The following ADGRL3 variants were observed in gnomAD, a reference collection of about 807,000 sequenced individuals.
ADGRL3 encodes the protein calcium-independent alpha-latrotoxin receptor 3.
ADGRL3 carries 62 observed loss-of-function variants against 153.5 expected under a neutral mutation model. That is an observed-to-expected ratio of 0.40 (90% confidence interval 0.33 to 0.50). The LOEUF is 0.50. Ranked by LOEUF, ADGRL3 falls within the 20% of genes least tolerant of loss-of-function variation. The probability of loss-of-function intolerance (pLI) is 0.47; values close to 1 mark genes in which losing one functional copy is unlikely to be tolerated. For missense variants in ADGRL3, 1,641 were observed against 1,859.4 expected, an observed-to-expected ratio of 0.88 and a Z score of 2.16; for synonymous variants, 710 against 672.5, an observed-to-expected ratio of 1.06 and a Z score of -0.86.
intron 8 of ADGRL3, among the ~76,000 whole-genome samples, chr4:61,810,576 C>G (rs558536248): frequency 1.3e-5 from 2 of 152,118 alleles, no homozygotes; most frequent in East Asian, 3.9e-4. Context: ...AGAAATTGCA[C>G]AGGGTTTCTC....
At chr4:61,882,081 A>G (rs561121854) in intron 9 of ADGRL3, among the ~76,000 whole-genome samples, 1 of 152,356 alleles carries the variant, frequency 6.6e-6, no homozygotes, top group South Asian at 2.1e-4. Flanking sequence ...TAAAACTTCT[A>G]GCAATTTCAC....
chr4:61,863,269 G>A (rs1471582056), intron 9 of ADGRL3, among the ~76,000 whole-genome samples: 1 of 113,488 alleles, frequency 8.8e-6, no homozygotes, highest in East Asian at 2.6e-4. Context: ...ACGGAGTCTC[G>A]CTCTGTCGCC....
intron 4 of ADGRL3, among the ~76,000 whole-genome samples, chr4:61,567,980 C>T (rs2098823194): frequency 6.6e-6 from 1 of 152,076 alleles, no homozygotes; most frequent in Admixed American, 6.6e-5. Context: ...TGATGTCTTC[C>T]TCATACCATT....
In ADGRL3 at chr4:62,044,770, TA is replaced by T. The variant is rs1219535109; in HGVS notation, c.3814+227del. ...TCTTTTCCAAAAGGAAATTAGAAAA[TA>T]AAAAACTTTTTTTCCTAGTCATCTG... On this transcript the variant is annotated intron_variant, in intron 25 of 26. Transcript: ENST00000683033. 2.0e-5 allele frequency among the ~76,000 whole-genome samples: 3 copies of T among 151,996 alleles called. No individual in the cohort carries two copies. The East Asian group carries it at 5.8e-4, about 29-fold the overall frequency.
At chr4:61,903,038 G>A (rs1458136347) in intron 11 of ADGRL3, among the ~76,000 whole-genome samples, 3 of 152,140 alleles carry the variant, frequency 2.0e-5, no homozygotes, top group African/African-American at 7.2e-5. Flanking sequence ...ATAATAGATG[G>A]ATAGATAAGC....
intron 1 of ADGRL3, among the ~76,000 whole-genome samples, chr4:61,319,063 G>A (rs1412514140): frequency 6.6e-6 from 1 of 152,148 alleles, no homozygotes; most frequent in Non-Finnish European, 1.5e-5. Context: ...ATGACAACTG[G>A]TGAATGGTGT....
chr4:61,858,396 G>A lies in ADGRL3; in HGVS notation c.1481-34260G>A, dbSNP rs548167127. Among the ~76,000 whole-genome samples the A allele has an allele frequency of 9.9e-5, 15 of 152,268 alleles. No homozygotes were observed. In the East Asian group the frequency reaches 1.6e-3, roughly 16 times the overall value. On this transcript the variant is annotated intron_variant, in intron 9 of 26. Coordinates refer to ENST00000683033, the MANE Select transcript of ADGRL3 (RefSeq NM_001387552.1). ...CCAGCACTTTGGGAGGCCGAGGCAG[G>A]TGGATCACCAGGTCAGGAGTTCAAG...
At chr4:61,330,108 C>T (rs886257952) in intron 1 of ADGRL3, among the ~76,000 whole-genome samples, 1 of 152,150 alleles carries the variant, frequency 6.6e-6, no homozygotes, top group Non-Finnish European at 1.5e-5. Context: ...CAATTTAAGA[C>T]TAATTGAAGT....
intron 19 of ADGRL3, among the ~76,000 whole-genome samples, chr4:61,983,960 C>T (rs928589249): frequency 6.6e-6 from 1 of 152,128 alleles, no homozygotes; most frequent in African/African-American, 2.4e-5. Context: ...ACATTGCTGG[C>T]TTATCTTCTT....
At chr4:61,304,426 A>G (rs1560451145) in intron 1 of ADGRL3, among the ~76,000 whole-genome samples, 2 of 152,230 alleles carry the variant, frequency 1.3e-5, no homozygotes, top group Non-Finnish European at 2.9e-5. Flanking sequence ...CTAAAAAACA[A>G]GCTCCTGAAT....
intron 5 of ADGRL3, among the ~76,000 whole-genome samples, chr4:61,594,852 A>G (rs914263428): frequency 4.6e-5 from 7 of 152,106 alleles, no homozygotes; most frequent in South Asian, 2.1e-4. Flanking sequence ...CTGATGTTCT[A>G]TTCTTCTGCA....
At chr4:61,259,370 C>T (rs2092313727) in intron 1 of ADGRL3, among the ~76,000 whole-genome samples, 1 of 151,832 alleles carries the variant, frequency 6.6e-6, no homozygotes, top group South Asian at 2.1e-4. Flanking sequence ...TTGCAGTGAG[C>T]CGAGATTGCG....
intron 6 of ADGRL3, among the ~76,000 whole-genome samples, chr4:61,698,242 G>C (rs1274926182): frequency 5.9e-5 from 9 of 152,118 alleles, no homozygotes; most frequent in Non-Finnish European, 1.5e-5. Context: ...ATGAGGTCAG[G>C]AGATTGAGAC....
At chr4:61,734,722 G>T (rs976897371) in intron 8 of ADGRL3, among the ~76,000 whole-genome samples, 1 of 152,148 alleles carries the variant, frequency 6.6e-6, no homozygotes, top group Admixed American at 6.5e-5. Context: ...TCTTCTCCAA[G>T]ATAAAGTATA....
At chr4:61,459,253 T>C (rs781071048) in intron 2 of ADGRL3, among the ~76,000 whole-genome samples, 10 of 151,830 alleles carry the variant, frequency 6.6e-5, no homozygotes, top group Non-Finnish European at 1.3e-4. Flanking sequence ...TAAATATTAG[T>C]AAAAAACAAA....
intron 8 of ADGRL3, chr4:61,775,722 G>T (rs936948468): frequency 2.4e-5 from 28 of 1,143,036 alleles, no homozygotes; most frequent in Non-Finnish European, 3.4e-5. Context: ...CTTGGTGCTT[G>T]TCTAAGCCTT....
chr4:61,930,044 C>G (rs932725951), intron 13 of ADGRL3, among the ~76,000 whole-genome samples: 9 of 151,854 alleles, frequency 5.9e-5, no homozygotes, highest in African/African-American at 2.2e-4. Flanking sequence ...GGTGTGGTGA[C>G]GGGCGCCTGT....
rs561960172 is a variant in ADGRL3, at chr4:61,880,359, A to G, written c.1481-12297A>G. On this transcript the variant is annotated intron_variant, in intron 9 of 26. Transcript: ENST00000683033. ...CACTAGATCTATAATTTCTGATTCT[A>G]GTATTATGATGACTAAAAATATGCA... Among the ~76,000 whole-genome samples, 3 of 152,328 alleles carry G rather than the reference A, an allele frequency of 2.0e-5. No individual in the cohort carries two copies. In the South Asian group the frequency reaches 6.2e-4, roughly 32 times the overall value.
intron 1 of ADGRL3, among the ~76,000 whole-genome samples, chr4:61,320,331 C>G (rs2095328970): frequency 6.6e-6 from 1 of 152,186 alleles, no homozygotes; most frequent in Non-Finnish European, 1.5e-5. Flanking sequence ...CTAATTGTAT[C>G]AGTGTGTCAT....
Sources: allele counts gnomAD v4.1 joint callset (sites outside exome capture counted in the v4.1 genomes callset), GRCh38; gene constraint gnomAD v4.1.1; transcripts MANE v1.5; gene names NCBI Gene and HGNC (gene_info 2026-07-23, HGNC 2026-07-21).